KRTDAP: variants seen among roughly 807,000 people sequenced by gnomAD.
KRTDAP encodes keratinocyte differentiation associated protein, also known as keratinocyte differentiation-associated protein.
Under a neutral mutation model 18.6 loss-of-function variants are expected in KRTDAP, and 14 were observed. The ratio of observed to expected loss-of-function variants is 0.75; its 90% CI spans 0.50 to 1.18. KRTDAP has a LOEUF of 1.18. KRTDAP is among the 50% of genes most tolerant of loss of function. KRTDAP has a pLI of 0.00. For missense variants in KRTDAP, 114 were observed against 121.3 expected (o/e 0.94, Z 0.28); for synonymous variants, 53 against 49.5 (o/e 1.07, Z -0.29).
At chr19:35,490,304 A>C (rs368714164) in intron 1 of KRTDAP, 52 bp downstream of exon 1, 5 of 1,128,930 alleles carry the variant, frequency 4.4e-6, no homozygotes, top group Non-Finnish European at 6.5e-6. Context: ...AGAGAGATGG[A>C]GGGGTAGGTG....
At chr19:35,489,100 C>T (rs969682471) in intron 1 of KRTDAP, among the ~76,000 whole-genome samples, 3 of 152,290 alleles carry the variant, frequency 2.0e-5, no homozygotes, top group Middle Eastern at 3.4e-3. Context: ...CATTCCTCTC[C>T]GGAAAAGCTA....
At position 35,490,383 on chromosome 19, in the gene KRTDAP, G is replaced by T. The variant is rs1341987708; in HGVS notation, c.60C>A (p.Ala20=). Reference sequence around the variant, plus strand: ...CAGGACCACCCAGGGTGGCTCCCTGGGCAGAGTGGAGCACCAGGAGGGAGA... The same window carrying T: ...CAGGACCACCCAGGGTGGCTCCCTGTGCAGAGTGGAGCACCAGGAGGGAGA... ...VLLSLLVLHS[A]QGATLGGPEE... is the part of the protein sequence containing the mutation. Residue 20 remains alanine, a synonymous_variant, in exon 1 of 6, where the codon GCC becomes GCA. Coordinates refer to ENST00000338897, the MANE Select transcript of KRTDAP (RefSeq NM_207392.3). The T allele has an allele frequency of 1.2e-6, 2 of 1,613,362 alleles. No homozygotes were observed. Among genetic ancestry groups the T allele is most frequent in the Non-Finnish European group, 1.7e-6 (2 of 1,179,618 alleles).
At position 35,487,729 on chromosome 19, in the gene KRTDAP, A is replaced by C; in HGVS notation, c.244T>G (p.Trp82Gly). The C allele has an allele frequency of 6.2e-7, 1 of 1,613,360 alleles. No individual in the cohort carries two copies. Among genetic ancestry groups the C allele is most frequent in the Non-Finnish European group, 8.5e-7 (1 of 1,179,346 alleles). Residue 82 changes from tryptophan (W) to glycine (G), a missense_variant, in exon 5 of 6, where the codon TGG becomes GGG. Physicochemically the swap from Trp to Gly is radical, Grantham distance 184. Coordinates refer to ENST00000338897, the MANE Select transcript of KRTDAP (RefSeq NM_207392.3). Reference sequence around the variant, plus strand: ...CCTCTTACCTTAGGAAAGGCATCCCAGTTGAGGAAAGGAAGTTTCCTTTTG... The same window carrying C: ...CCTCTTACCTTAGGAAAGGCATCCCCGTTGAGGAAAGGAAGTTTCCTTTTG... ...SIKRKLPFLN[W>G]DAFPKLKGLR...
At chr19:35,488,567 A>G in intron 3 of KRTDAP, 82 bp from the exon 4 acceptor site, 1 of 1,607,804 alleles carries the variant, frequency 6.2e-7, no homozygotes, top group Non-Finnish European at 8.5e-7. Context: ...GAGAAGGTGA[A>G]GGAACCGTGG....
Position 35,488,483 on chromosome 19 carries a change from C to T in KRTDAP, c.171G>A (p.Ala57=), listed in dbSNP as rs17638234. 0.044 allele frequency: 70,784 copies of T among 1,613,434 alleles called. 1,740 individuals are homozygous for T. Among genetic ancestry groups the T allele is most frequent in the Non-Finnish European group, 0.051 (60,410 of 1,179,660 alleles). ...PFLNIDKLRS[A]FKADEFLNWH... is the part of the protein sequence containing the mutation. ...AGTTCAGGAACTCATCAGCCTTAAA[C>T]GCCTGAGGAGGAAGAGAGACAGCAG... is the stretch of plus-strand genomic sequence containing the variant. The change falls in exon 4 of 6, where the codon GCG becomes GCA. Residue 57 remains alanine (A), a splice_region_variant and synonymous_variant. Coordinates refer to ENST00000338897, the MANE Select transcript of KRTDAP (RefSeq NM_207392.3).
intron 5 of KRTDAP, 62 bp downstream of exon 5, chr19:35,487,650 A>G (rs1486243790): frequency 2.1e-6 from 3 of 1,415,496 alleles, no homozygotes; most frequent in Non-Finnish European, 2.0e-6. Context: ...TCTCTCTCCC[A>G]TATCTTCTGC....
At position 35,490,419 on chromosome 19, in the gene KRTDAP, G is replaced by C. The variant is rs751348587; in HGVS notation, c.24C>G (p.Ala8=). Reference sequence around the variant, plus strand: ...GCACCAGGAGGGAGAGGAGCACCACGGCAGGAAGGACCGGGATCTTCATGG... The same window carrying C: ...GCACCAGGAGGGAGAGGAGCACCACCGCAGGAAGGACCGGGATCTTCATGG... The part of the protein sequence containing the change: MKIPVLP[A]VVLLSLLVLH... The change falls in exon 1 of 6, where the codon GCC becomes GCG. Residue 8 remains alanine (A), a synonymous_variant. Transcript: ENST00000338897. 9 of 1,613,634 alleles carry C rather than the reference G, an allele frequency of 5.6e-6. No individual in the cohort carries two copies. Among genetic ancestry groups the C allele is most frequent in the Middle Eastern group, 1.7e-4 (1 of 5,976 alleles).
At chr19:35,488,625 G>A in intron 3 of KRTDAP, 37 bp downstream of exon 3, 3 of 1,613,664 alleles carry the variant, frequency 1.9e-6, no homozygotes, top group African/African-American at 2.7e-5. Context: ...CTGTGATGAG[G>A]GTATTCGTGG....
At position 35,488,433 on chromosome 19, in the gene KRTDAP, G is replaced by C; in HGVS notation, c.213+8C>G. On this transcript the variant is annotated splice_region_variant and intron_variant, in intron 4 of 5. Coordinates refer to ENST00000338897, the MANE Select transcript of KRTDAP (RefSeq NM_207392.3). ...ACCGAGGAGGGCAAGGGGCGCCGGA[G>C]CACTCACCTCAAAGAGGGCGTGCCA... The C allele has an allele frequency of 6.2e-7, 1 of 1,612,150 alleles. No homozygotes were observed.
At chr19:35,488,538 C>T (rs868337975) in intron 3 of KRTDAP, 53 bp from the exon 4 acceptor site, 1 of 1,608,202 alleles carries the variant, frequency 6.2e-7, no homozygotes, top group Middle Eastern at 1.7e-4. Flanking sequence ...GAGGCCAGAG[C>T]TTAGCCCCCA....
Position 35,487,413 on chromosome 19 carries a change from C to T in KRTDAP, c.*15G>A. The stretch of plus-strand genomic sequence containing the variant: ...CAGCGCTCACGCTAGCCCCCTCTTC[C>T]AGTGGAGGTCATGGTCACTGGGCAT... On this transcript the variant is annotated 3_prime_UTR_variant, in exon 6 of 6. Transcript: ENST00000338897. The T allele has an allele frequency of 6.2e-7, 1 of 1,613,206 alleles. No individual in the cohort carries two copies. The highest frequency in any genetic ancestry group is 2.2e-5 in the East Asian group (1 of 44,878).
chr19:35,487,912 C>T (rs2067500472), intron 4 of KRTDAP, among the ~76,000 whole-genome samples, 153 bp from the exon 5 acceptor site: 1 of 152,146 alleles, frequency 6.6e-6, no homozygotes, highest in African/African-American at 2.4e-5. Flanking sequence ...TTCCTGAGGC[C>T]TTAGTCTGTG....
At chr19:35,489,039 T>A (rs561505554) in intron 1 of KRTDAP, among the ~76,000 whole-genome samples, 199 bp from the exon 2 acceptor site, 1 of 152,238 alleles carries the variant, frequency 6.6e-6, no homozygotes, top group Admixed American at 6.5e-5. Flanking sequence ...TGGAGAATGG[T>A]ACATGTAAGC....
rs1254059655 is a variant in KRTDAP, at chr19:35,488,702, G to A, written c.128C>T (p.Ala43Val). The A allele has an allele frequency of 6.2e-7, 1 of 1,614,198 alleles. No individual in the cohort carries two copies. Residue 43 changes from alanine to valine, a missense_variant and splice_region_variant, in exon 3 of 6, where the codon GCC (alanine) becomes GTC (valine). Ala to Val is a moderately conservative substitution (Grantham distance 64). Coordinates refer to ENST00000338897, the MANE Select transcript of KRTDAP (RefSeq NM_207392.3). ...GATGTTCAGGAACGGGGTGTTAAAGGCCTAGGCAGAAACGCAGGGTGTTAG... is the reference window on the plus strand; with the variant it reads ...GATGTTCAGGAACGGGGTGTTAAAGACCTAGGCAGAAACGCAGGGTGTTAG... ...TIENYASRPEAFNTPFLNIDK... is the reference protein window; with the variant it reads ...TIENYASRPEVFNTPFLNIDK...
intron 3 of KRTDAP, 72 bp downstream of exon 3, chr19:35,488,590 C>G: frequency 6.2e-7 from 1 of 1,609,928 alleles, no homozygotes; most frequent in Non-Finnish European, 8.5e-7. Context: ...GCTTTGCAAG[C>G]TCTCTACCAA....
intron 5 of KRTDAP, 90 bp downstream of exon 5, chr19:35,487,622 T>C (rs114823214): frequency 4.2e-5 from 53 of 1,259,354 alleles, no homozygotes; most frequent in Non-Finnish European, 5.7e-5. Context: ...AGGCTGATCC[T>C]CCTTTCCCTG....
At chr19:35,488,340 A>G in intron 4 of KRTDAP, 101 bp downstream of exon 4, 3 of 1,213,492 alleles carry the variant, frequency 2.5e-6, no homozygotes, top group Non-Finnish European at 3.5e-6. Context: ...TCCCTCCCAG[A>G]GATCAGGAAC....
At chr19:35,490,271 T>G (rs532914632) in intron 1 of KRTDAP, 85 bp downstream of exon 1, 120 of 817,098 alleles carry the variant, frequency 1.5e-4, no homozygotes, top group Non-Finnish European at 2.2e-4. Flanking sequence ...TAAGAGCCAC[T>G]TATCCAGGAA....
At chr19:35,488,574 G>A (rs532489689) in intron 3 of KRTDAP, 88 bp downstream of exon 3, 43 of 1,605,800 alleles carry the variant, frequency 2.7e-5, no homozygotes, top group Admixed American at 3.3e-5. Flanking sequence ...TGAAGGAACC[G>A]TGGCAGCTTT....
Sources: gnomAD v4.1 joint callset for allele counts (sites outside exome capture counted in the v4.1 genomes callset) on GRCh38, gnomAD v4.1.1 for gene constraint, MANE v1.5 for transcripts, NCBI Gene and HGNC (gene_info 2026-07-23, HGNC 2026-07-21) for gene names.